KCNB2: variants seen among roughly 807,000 people sequenced by gnomAD.
KCNB2 encodes the protein potassium voltage-gated channel subfamily B member 2.
In KCNB2, 15 loss-of-function variants were observed where a neutral mutation model predicts 61.5. That is an observed-to-expected ratio of 0.24 (90% confidence interval 0.16 to 0.38). The LOEUF is 0.38. Ranked by LOEUF, KCNB2 falls within the 10% of genes least tolerant of loss-of-function variation. The probability of loss-of-function intolerance (pLI) is 1.00; values close to 1 mark genes in which losing one functional copy is unlikely to be tolerated. For synonymous variants in KCNB2, 457 were observed against 446.0 expected (o/e 1.02, Z -0.31); for missense variants, 828 against 1,125.2 (o/e 0.74, Z 3.78).
intron 2 of KCNB2, among the ~76,000 whole-genome samples, chr8:72,804,132 T>G (rs1351031810): frequency 2.6e-5 from 4 of 152,126 alleles, no homozygotes; most frequent in Non-Finnish European, 5.9e-5. Context: ...ATCAAAGGAC[T>G]GTTAAACAAA....
intron 2 of KCNB2, among the ~76,000 whole-genome samples, chr8:72,723,175 G>A (rs1388448966): frequency 6.6e-6 from 1 of 152,034 alleles, no homozygotes; most frequent in African/African-American, 2.4e-5. Flanking sequence ...AATTAAATTG[G>A]CAATTGGACA....
chr8:72,806,612 C>T (rs1317575022), intron 2 of KCNB2, among the ~76,000 whole-genome samples: 1 of 149,142 alleles, frequency 6.7e-6, no homozygotes, highest in Admixed American at 6.6e-5. Context: ...GAGAATCAGT[C>T]TCAAAAAAAA....
At chr8:72,616,706 G>C (rs1229674909) in intron 2 of KCNB2, among the ~76,000 whole-genome samples, 1 of 152,106 alleles carries the variant, frequency 6.6e-6, no homozygotes, top group Non-Finnish European at 1.5e-5. Context: ...TCTTCCCATG[G>C]AATGCAAAGG....
intron 2 of KCNB2, among the ~76,000 whole-genome samples, chr8:72,804,324 T>A (rs1032664690): frequency 1.3e-5 from 2 of 152,122 alleles, no homozygotes; most frequent in Admixed American, 6.5e-5. Flanking sequence ...CATATCCTTC[T>A]CTTTACTCAC....
intron 2 of KCNB2, among the ~76,000 whole-genome samples, chr8:72,766,905 G>T (rs1229568277): frequency 1.3e-5 from 2 of 152,100 alleles, no homozygotes; most frequent in African/African-American, 2.4e-5. Context: ...TTACAGTTCC[G>T]CATGACTAGG....
At chr8:72,845,955 G>C (rs1208583828) in intron 2 of KCNB2, among the ~76,000 whole-genome samples, 1 of 149,558 alleles carries the variant, frequency 6.7e-6, no homozygotes, top group African/African-American at 2.5e-5. Flanking sequence ...GAACAGTTCT[G>C]TCTTTCTGGC....
chr8:72,581,989 T>A (rs1806906394), intron 2 of KCNB2, among the ~76,000 whole-genome samples: 1 of 152,082 alleles, frequency 6.6e-6, no homozygotes, highest in Non-Finnish European at 1.5e-5. Context: ...GATGGATAGA[T>A]CATTTATTTA....
chr8:72,548,676 T>C (rs909162276), intron 1 of KCNB2, among the ~76,000 whole-genome samples: 2 of 152,206 alleles, frequency 1.3e-5, no homozygotes, highest in African/African-American at 2.4e-5. Flanking sequence ...TTTTCTTTTT[T>C]GTTAGGCCTG....
chr8:72,743,167 A>G (rs1021392763), intron 2 of KCNB2, among the ~76,000 whole-genome samples: 2 of 152,258 alleles, frequency 1.3e-5, no homozygotes, highest in African/African-American at 4.8e-5. Flanking sequence ...GTTCATATAT[A>G]AAATGAGGAC....
chr8:72,929,722 G>A (rs1268621384), intron 2 of KCNB2, among the ~76,000 whole-genome samples: 1 of 152,096 alleles, frequency 6.6e-6, no homozygotes, highest in African/African-American at 2.4e-5. Context: ...TTTCCGAAGG[G>A]TTTAACCAAC....
At chr8:72,894,572 G>C (rs1805956220) in intron 2 of KCNB2, among the ~76,000 whole-genome samples, 1 of 152,094 alleles carries the variant, frequency 6.6e-6, no homozygotes, top group Non-Finnish European at 1.5e-5. Flanking sequence ...TCACCTCCTG[G>C]CTTCACTTTT....
chr8:72,869,554 A>C (rs1048034984), intron 2 of KCNB2, among the ~76,000 whole-genome samples: 10 of 150,270 alleles, frequency 6.7e-5, no homozygotes, highest in Non-Finnish European at 1.5e-4. Context: ...TTAAACAGAC[A>C]GTTCTCCAAA....
intron 2 of KCNB2, among the ~76,000 whole-genome samples, chr8:72,584,919 C>T (rs1037964864): frequency 6.6e-6 from 1 of 152,234 alleles, no homozygotes; most frequent in East Asian, 1.9e-4. Flanking sequence ...TCTCTTGGCT[C>T]CCTAGTCCAG....
At chr8:72,588,676 A>T (rs1480779050) in intron 2 of KCNB2, among the ~76,000 whole-genome samples, 1 of 152,044 alleles carries the variant, frequency 6.6e-6, no homozygotes, top group Non-Finnish European at 1.5e-5. Context: ...GGAAGATTGC[A>T]TGAGGCCAGG....
At chr8:72,894,802 T>C (rs1805962972) in intron 2 of KCNB2, among the ~76,000 whole-genome samples, 2 of 152,324 alleles carry the variant, frequency 1.3e-5, no homozygotes, top group Middle Eastern at 3.4e-3. Context: ...GTAATTTCAC[T>C]TTACAATAGG....
At chr8:72,655,354 A>T (rs1806274736) in intron 2 of KCNB2, among the ~76,000 whole-genome samples, 1 of 152,100 alleles carries the variant, frequency 6.6e-6, no homozygotes, top group Non-Finnish European at 1.5e-5. Flanking sequence ...TACTATGGTT[A>T]TTACCTGGGA....
intron 2 of KCNB2, chr8:72,660,562 G>T (rs1177369486): frequency 6.6e-6 from 1 of 152,184 alleles, no homozygotes; most frequent in Non-Finnish European, 1.5e-5. Context: ...ATTCTTCCAT[G>T]ATAAATTTTG....
At chr8:72,571,326 T>C (rs1235745618) in intron 2 of KCNB2, among the ~76,000 whole-genome samples, 2 of 152,240 alleles carry the variant, frequency 1.3e-5, no homozygotes, top group Non-Finnish European at 2.9e-5. Flanking sequence ...CTATGGAACA[T>C]GTTCCCTGGT....
At chr8:72,624,375 A>C (rs1027576755) in intron 2 of KCNB2, among the ~76,000 whole-genome samples, 8 of 152,188 alleles carry the variant, frequency 5.3e-5, no homozygotes, top group African/African-American at 1.9e-4. Flanking sequence ...TTAGCCTACC[A>C]CAGGATTTCA....
Sources: gnomAD v4.1 joint callset for allele counts (sites outside exome capture counted in the v4.1 genomes callset) on GRCh38, gnomAD v4.1.1 for gene constraint, MANE v1.5 for transcripts, NCBI Gene and HGNC (gene_info 2026-07-23, HGNC 2026-07-21) for gene names.